Variants in SEMA5A observed in about 807,000 individuals in gnomAD.
The protein encoded by SEMA5A is semaphorin-5A.
Under a neutral mutation model 135.5 loss-of-function variants are expected in SEMA5A, and 55 were observed. The observed-to-expected ratio is 0.41, with a 90% CI of 0.33 to 0.51. The LOEUF is 0.51. Among genes scored for constraint, SEMA5A ranks in the 20% least tolerant of loss-of-function variants. The pLI, the probability that SEMA5A is intolerant of heterozygous loss-of-function variation, is 0.37. For synonymous variants in SEMA5A, 580 were observed against 546.5 expected, an observed-to-expected ratio of 1.06 and a Z score of -0.85; for missense variants, 1,290 against 1,419.9, an observed-to-expected ratio of 0.91 and a Z score of 1.47.
chr5:9,500,598 G>A (rs185650974), intron 1 of SEMA5A, among the ~76,000 whole-genome samples: 1 of 152,342 alleles, frequency 6.6e-6, no homozygotes, highest in Admixed American at 6.5e-5. Flanking sequence ...GAGGTTTGCT[G>A]AGGATAGGGC....
chr5:9,542,360 T>C (rs978246212), intron 1 of SEMA5A, among the ~76,000 whole-genome samples: 5 of 152,228 alleles, frequency 3.3e-5, no homozygotes, highest in Admixed American at 3.3e-4. Context: ...GCTGAGAACA[T>C]ATGTGAAATT....
At chr5:9,175,305 G>A (rs1042001629) in intron 11 of SEMA5A, among the ~76,000 whole-genome samples, 1 of 152,102 alleles carries the variant, frequency 6.6e-6, no homozygotes, top group Non-Finnish European at 1.5e-5. Flanking sequence ...CATGCCCTGG[G>A]ACAGAGATGC....
chr5:9,381,981 T>C (rs1338749882), intron 2 of SEMA5A, among the ~76,000 whole-genome samples: 63 of 99,904 alleles, frequency 6.3e-4, no homozygotes, highest in Non-Finnish European at 9.4e-4. Context: ...TGTGTGTGTG[T>C]GCGCGCGCGC....
intron 1 of SEMA5A, among the ~76,000 whole-genome samples, chr5:9,542,460 A>G (rs1052055020): frequency 4.6e-5 from 7 of 152,244 alleles, no homozygotes; most frequent in African/African-American, 1.4e-4. Flanking sequence ...TTCTTGGTAT[A>G]AATTTGCAAG....
intron 1 of SEMA5A, chr5:9,512,098 A>T (rs1736234648): frequency 6.6e-6 from 1 of 152,218 alleles, no homozygotes; most frequent in Non-Finnish European, 1.5e-5. Context: ...TGGCAATGAA[A>T]GTCAAAGGAA....
chr5:9,343,887 C>T (rs1205724), intron 3 of SEMA5A, among the ~76,000 whole-genome samples: 145,632 of 152,182 alleles, frequency 0.96, 69,835 homozygotes, highest in Non-Finnish European at 1. Flanking sequence ...CCCCATGCCA[C>T]GTGTACCCCC....
intron 14 of SEMA5A, among the ~76,000 whole-genome samples, chr5:9,120,505 A>G (rs1740756301): frequency 6.6e-6 from 1 of 152,162 alleles, no homozygotes; most frequent in Admixed American, 6.6e-5. Context: ...ATAATAATAT[A>G]ACCAAAATTA....
At chr5:9,165,272 T>C (rs1344095234) in intron 11 of SEMA5A, among the ~76,000 whole-genome samples, 1 of 152,020 alleles carries the variant, frequency 6.6e-6, no homozygotes, top group Non-Finnish European at 1.5e-5. Flanking sequence ...ATATAAAAAT[T>C]CTTATTTTGT....
At chr5:9,350,235 T>C (rs920556051) in intron 3 of SEMA5A, among the ~76,000 whole-genome samples, 1 of 152,192 alleles carries the variant, frequency 6.6e-6, no homozygotes, top group African/African-American at 2.4e-5. Flanking sequence ...TTACCAAATA[T>C]ACTGATGAAA....
intron 8 of SEMA5A, among the ~76,000 whole-genome samples, chr5:9,211,792 T>C (rs931290804): frequency 1.3e-5 from 2 of 152,258 alleles, no homozygotes; most frequent in African/African-American, 4.8e-5. Flanking sequence ...AGTAACATCA[T>C]CAATGTATTT....
intron 1 of SEMA5A, among the ~76,000 whole-genome samples, chr5:9,507,042 G>T (rs1735923829): frequency 6.6e-6 from 1 of 152,202 alleles, no homozygotes; most frequent in Admixed American, 6.5e-5. Flanking sequence ...TTGTTAGAAA[G>T]GAGGTGCCAT....
intron 6 of SEMA5A, among the ~76,000 whole-genome samples, chr5:9,230,584 G>A (rs1747574426): frequency 6.6e-6 from 1 of 152,208 alleles, no homozygotes; most frequent in Non-Finnish European, 1.5e-5. Flanking sequence ...ACATCCCCAT[G>A]TGTCACTGGT....
intron 1 of SEMA5A, among the ~76,000 whole-genome samples, chr5:9,528,945 G>T (rs1022865121): frequency 2.6e-5 from 4 of 152,258 alleles, no homozygotes; most frequent in African/African-American, 9.6e-5. Context: ...CCTGGCTCCA[G>T]AGACCAGGCA....
intron 4 of SEMA5A, among the ~76,000 whole-genome samples, chr5:9,331,089 C>A (rs1334813138): frequency 6.6e-6 from 1 of 152,316 alleles, no homozygotes; most frequent in East Asian, 1.9e-4. Flanking sequence ...CTAAAATATA[C>A]TCTTTGGAAA....
At chr5:9,458,676 C>T (rs1758939760) in intron 1 of SEMA5A, among the ~76,000 whole-genome samples, 1 of 152,178 alleles carries the variant, frequency 6.6e-6, no homozygotes, top group African/African-American at 2.4e-5. Flanking sequence ...CTACAGAAAA[C>T]CAGGGCTCCA....
At chr5:9,297,866 G>A (rs930476758) in intron 5 of SEMA5A, among the ~76,000 whole-genome samples, 2 of 152,008 alleles carry the variant, frequency 1.3e-5, no homozygotes, top group African/African-American at 4.8e-5. Context: ...TTACAGGTGT[G>A]AACCACCATG....
intron 12 of SEMA5A, among the ~76,000 whole-genome samples, chr5:9,152,145 C>G (rs1006788462): frequency 6.6e-6 from 1 of 152,198 alleles, no homozygotes. Flanking sequence ...TTGCCTCATG[C>G]TCTGTAAGCC....
At chr5:9,452,461 C>G (rs3822801) in intron 1 of SEMA5A, among the ~76,000 whole-genome samples, 19,191 of 152,176 alleles carry the variant, frequency 0.13, 1,441 homozygotes, top group African/African-American at 0.2. Context: ...ATAATACACA[C>G]TCTCTCAGGC....
intron 16 of SEMA5A, among the ~76,000 whole-genome samples, chr5:9,096,003 T>A (rs186895356): frequency 6.6e-6 from 1 of 152,198 alleles, no homozygotes; most frequent in Admixed American, 6.5e-5. Context: ...GAGGTAGTGA[T>A]TTAATTTCCT....
Sources: allele counts gnomAD v4.1 joint callset (sites outside exome capture counted in the v4.1 genomes callset), GRCh38; gene constraint gnomAD v4.1.1; transcripts MANE v1.5; gene names NCBI Gene and HGNC (gene_info 2026-07-23, HGNC 2026-07-21).